GALNT18: variants seen among roughly 807,000 people sequenced by gnomAD.
GALNT18 encodes GalNAc-transferase 18.
A neutral mutation model predicts 69.5 loss-of-function variants in GALNT18; 44 were observed. The ratio of observed to expected loss-of-function variants is 0.63; its 90% CI spans 0.50 to 0.81. The LOEUF is 0.81. Among genes scored for constraint, GALNT18 ranks in the 40% least tolerant of loss-of-function variants. GALNT18 has a pLI of 0.00. For missense variants in GALNT18, 715 were observed against 810.0 expected (o/e 0.88, Z 1.42); for synonymous variants, 364 against 318.2 (o/e 1.14, Z -1.53).
At position 11,616,755 on chromosome 11, in the gene GALNT18, G is replaced by T. The variant is rs1190773029; in HGVS notation, c.235+4604C>A. ...TTTACACTTACCAGTGGTCCACTGG[G>T]TTTGTTCTCAAACGTGTTTACACTA... On this transcript the variant is annotated intron_variant, in intron 1 of 10. Coordinates refer to ENST00000227756, the MANE Select transcript of GALNT18 (RefSeq NM_198516.3). This position sits in a 1 kb window ranked among gnomAD's most constrained non-coding sequence, Gnocchi z 4.4. Among the ~76,000 whole-genome samples the T allele has an allele frequency of 6.6e-6, 1 of 152,156 alleles. No individual in the cohort carries two copies. The highest frequency in any genetic ancestry group is 1.5e-5 in the Non-Finnish European group (1 of 68,030).
chr11:11,328,354 C>T (rs1849961396), intron 8 of GALNT18, among the ~76,000 whole-genome samples: 4 of 152,148 alleles, frequency 2.6e-5, no homozygotes, highest in Admixed American at 2.6e-4. Flanking sequence ...GAACAGGGGA[C>T]TGGAGATCAG....
intron 10 of GALNT18, among the ~76,000 whole-genome samples, chr11:11,280,455 C>G (rs1849048052): frequency 6.6e-6 from 1 of 152,080 alleles, no homozygotes; most frequent in Non-Finnish European, 1.5e-5. Context: ...CTTCCCCCAG[C>G]TGCCCACCCT....
chr11:11,363,802 C>T (rs540755488), intron 6 of GALNT18, among the ~76,000 whole-genome samples: 21 of 152,240 alleles, frequency 1.4e-4, no homozygotes, highest in African/African-American at 4.8e-4. Flanking sequence ...TCACAGTAAG[C>T]TGGGTTCCTT....
chr11:11,422,152 C>T (rs1171523434), intron 3 of GALNT18, among the ~76,000 whole-genome samples: 4 of 152,202 alleles, frequency 2.6e-5, no homozygotes, highest in Non-Finnish European at 5.9e-5. Context: ...GAGAGATGGG[C>T]ATTCAATACT....
intron 1 of GALNT18, among the ~76,000 whole-genome samples, chr11:11,509,833 G>A (rs1054320136): frequency 6.6e-6 from 1 of 152,248 alleles, no homozygotes; most frequent in Non-Finnish European, 1.5e-5. Context: ...TCCTCTGTGG[G>A]AAACTGAAAG....
chr11:11,356,576 A>G lies in GALNT18; in HGVS notation c.1093-15572T>C, dbSNP rs1443474884. Reference sequence around the variant, plus strand: ...CCCAGTCTATAATCAAAGTTCACCAATTGTCCCAATCAAAGCCTTTATAGC... The same window carrying G: ...CCCAGTCTATAATCAAAGTTCACCAGTTGTCCCAATCAAAGCCTTTATAGC... On this transcript the variant is annotated intron_variant, in intron 6 of 10. Coordinates refer to ENST00000227756, the MANE Select transcript of GALNT18 (RefSeq NM_198516.3). This position sits in a 1 kb window ranked among gnomAD's most constrained non-coding sequence, Gnocchi z 4.4. Among the ~76,000 whole-genome samples, 2 of 152,134 alleles carry G rather than the reference A, an allele frequency of 1.3e-5. No individual in the cohort carries two copies. Among genetic ancestry groups the G allele is most frequent in the South Asian group, 2.1e-4 (1 of 4,814 alleles).
chr11:11,577,913 G>A (rs1217412375), intron 1 of GALNT18, among the ~76,000 whole-genome samples: 5 of 152,160 alleles, frequency 3.3e-5, no homozygotes, highest in African/African-American at 9.7e-5. Context: ...GATTGGCAGG[G>A]GCATTTGGCA....
intron 10 of GALNT18, among the ~76,000 whole-genome samples, chr11:11,279,267 C>T (rs1394760796): frequency 6.6e-6 from 1 of 151,648 alleles, no homozygotes; most frequent in Non-Finnish European, 1.5e-5. Context: ...TACCTCTTTT[C>T]TTTAATTTCT....
In GALNT18 at chr11:11,614,296, G is replaced by A. The variant is rs1657094953; in HGVS notation, c.235+7063C>T. ...AATCACAGCAGAAGGTAACAGGGAA[G>A]CAGGTATGTCACATAGTGAGAGAGG... On this transcript the variant is annotated intron_variant, in intron 1 of 10. Transcript: ENST00000227756. The surrounding 1 kb of genome is among the most constrained non-coding windows in gnomAD (Gnocchi z 5.6). 6.6e-6 allele frequency among the ~76,000 whole-genome samples: 1 copy of A among 151,976 alleles called. No individual in the cohort carries two copies. Among genetic ancestry groups the A allele is most frequent in the African/African-American group, 2.4e-5 (1 of 41,326 alleles).
chr11:11,532,611 A>G (rs1289007993), intron 1 of GALNT18, among the ~76,000 whole-genome samples: 1 of 152,270 alleles, frequency 6.6e-6, no homozygotes, highest in African/African-American at 2.4e-5. Context: ...GAAGAGAGCC[A>G]AGCTGGTCAA....
At chr11:11,281,266 G>C (rs950754912) in intron 10 of GALNT18, among the ~76,000 whole-genome samples, 10 of 152,312 alleles carry the variant, frequency 6.6e-5, no homozygotes, top group Admixed American at 5.9e-4. Flanking sequence ...TGTGTGGCCT[G>C]GGCAAGCCTC....
chr11:11,486,632 C>T (rs1856651301), intron 1 of GALNT18, among the ~76,000 whole-genome samples: 1 of 152,278 alleles, frequency 6.6e-6, no homozygotes, highest in Non-Finnish European at 1.5e-5. Context: ...TAAATCTCCA[C>T]TCCCTCCATG....
intron 9 of GALNT18, among the ~76,000 whole-genome samples, chr11:11,301,664 G>A (rs1043660050): frequency 7.2e-5 from 11 of 152,168 alleles, no homozygotes; most frequent in Admixed American, 5.2e-4. Flanking sequence ...ACAGGCACAC[G>A]AATCCCTCAG....
chr11:11,559,539 A>G (rs1565012079), intron 1 of GALNT18, among the ~76,000 whole-genome samples: 1 of 152,106 alleles, frequency 6.6e-6, no homozygotes, highest in Non-Finnish European at 1.5e-5. Context: ...GGGATAGAAT[A>G]GAATGGGATA....
chr11:11,506,488 G>A (rs1004704800), intron 1 of GALNT18, among the ~76,000 whole-genome samples: 1 of 152,160 alleles, frequency 6.6e-6, no homozygotes, highest in Non-Finnish European at 1.5e-5. Context: ...TGGTTCAAGC[G>A]TTTCGTGTGC....
At chr11:11,352,688 C>G (rs756830963) in intron 6 of GALNT18, 4 of 1,614,144 alleles carry the variant, frequency 2.5e-6, no homozygotes, top group Non-Finnish European at 3.4e-6. Flanking sequence ...GACAATAATC[C>G]AGGGCCTTCA....
Position 11,435,918 on chromosome 11 carries a change from C to T in GALNT18, c.429-3131G>A, listed in dbSNP as rs115912289. ...TACACTGTAATCCCTTCAGGCCAAA[C>T]GCCCTGACCTCCTTAAATCCTTCTT... On this transcript the variant is annotated intron_variant, in intron 2 of 10. Coordinates refer to ENST00000227756, the MANE Select transcript of GALNT18 (RefSeq NM_198516.3). The surrounding 1 kb of genome is among the most constrained non-coding windows in gnomAD (Gnocchi z 4.4). 0.022 allele frequency among the ~76,000 whole-genome samples: 3,354 copies of T among 152,292 alleles called. 124 individuals are homozygous for T. Among genetic ancestry groups the T allele is most frequent in the African/African-American group, 0.077 (3,212 of 41,558 alleles).
rs993479993 is a variant in GALNT18 at position 11,430,130 on chromosome 11, CA to C, written c.595+2490del. On this transcript the variant is annotated intron_variant, in intron 3 of 10. Coordinates refer to ENST00000227756, the MANE Select transcript of GALNT18 (RefSeq NM_198516.3). This position sits in a 1 kb window ranked among gnomAD's most constrained non-coding sequence, Gnocchi z 4.9. Reference sequence around the variant, plus strand: ...TGGGCAACAGAGCAAGACCCTGTCTCAAAAAAAACCAAAATAAAAAAAAGAA... The same window carrying C: ...TGGGCAACAGAGCAAGACCCTGTCTCAAAAAAACCAAAATAAAAAAAAGAA... Among the ~76,000 whole-genome samples the C allele has an allele frequency of 6.6e-6, 1 of 151,166 alleles. No individual in the cohort carries two copies. The highest frequency in any genetic ancestry group is 1.5e-5 in the Non-Finnish European group (1 of 67,826).
chr11:11,379,976 C>T (rs1043629794), intron 3 of GALNT18, among the ~76,000 whole-genome samples: 1 of 152,246 alleles, frequency 6.6e-6, no homozygotes, highest in Non-Finnish European at 1.5e-5. Flanking sequence ...GCATTCATTA[C>T]CTTTTTCATA....
Sources: allele counts gnomAD v4.1 joint callset (sites outside exome capture counted in the v4.1 genomes callset), GRCh38; gene constraint gnomAD v4.1.1; non-coding constraint Gnocchi (gnomAD v3.1); transcripts MANE v1.5; gene names NCBI Gene and HGNC (gene_info 2026-07-23, HGNC 2026-07-21).